Variants in OTOG observed in about 807,000 individuals in gnomAD.
OTOG encodes the protein otogelin.
OTOG carries 296 observed loss-of-function variants against 313.8 expected under a neutral mutation model. The ratio of observed to expected loss-of-function variants is 0.94; its 90% CI spans 0.86 to 1.04. OTOG has a LOEUF of 1.04. OTOG is among the 50% of genes least tolerant of loss of function. The pLI is 0.00. For synonymous variants in OTOG, 1,533 were observed against 1,554.9 expected, an observed-to-expected ratio of 0.99 and a Z score of 0.33; for missense variants, 3,948 against 3,840.1, an observed-to-expected ratio of 1.03 and a Z score of -0.74.
At chr11:17,565,313 C>G (rs144106526) in intron 15 of OTOG, among the ~76,000 whole-genome samples, 64 of 152,210 alleles carry the variant, frequency 4.2e-4, no homozygotes, top group African/African-American at 1.4e-3. Context: ...GATTCTTTTT[C>G]TCATGGTTTG....
Position 17,610,890 on chromosome 11 carries a change from C to A in OTOG, c.5590C>A (p.His1864Asn), listed in dbSNP as rs1440154973. The change falls in exon 36 of 56, where the codon CAC becomes AAC. Residue 1864 changes from histidine to asparagine, a missense_variant. Physicochemically the swap from His to Asn is moderately conservative, Grantham distance 68. Coordinates refer to ENST00000399397, the MANE Select transcript of OTOG (RefSeq NM_001292063.2). ...AATGACCCAGGCGCACCCACCCACT[C>A]ACATAGCACCCCCAGCAGCAGGCAC... ...AAMTQAHPPT[H>N]IAPPAAGTAP... The A allele has an allele frequency of 6.4e-7, 1 of 1,550,610 alleles. No individual in the cohort carries two copies. Among genetic ancestry groups the A allele is most frequent in the Admixed American group, 2.0e-5 (1 of 50,986 alleles).
chr11:17,576,786 G>A, intron 21 of OTOG, 82 bp from the exon 22 acceptor site: 3 of 1,514,384 alleles, frequency 2.0e-6, no homozygotes, highest in Non-Finnish European at 2.7e-6. Flanking sequence ...GAACTCTGCA[G>A]TGACCCGAGT....
intron 15 of OTOG, among the ~76,000 whole-genome samples, chr11:17,567,402 G>C (rs980266326): frequency 9.2e-5 from 14 of 152,224 alleles, no homozygotes; most frequent in African/African-American, 3.1e-4. Flanking sequence ...CACTCTCCTG[G>C]TTCACTTTCT....
rs1388469168 is a variant in OTOG, at chr11:17,559,623, A to G, written c.1303A>G (p.Ser435Gly). Reference protein sequence around the residue: ...SCHPRASCVDSEIACVDGCYC... With the variant: ...SCHPRASCVDGEIACVDGCYC... ...CCATCCCCGGGCATCCTGTGTGGAC[A>G]GTGAGATCGCCTGTGTGGACGGCTG... The change falls in exon 12 of 56, where the codon AGT becomes GGT. Residue 435 changes from serine to glycine, a missense_variant. By Grantham distance (56) the Ser-to-Gly change is moderately conservative. Transcript: ENST00000399397. 9 of 1,550,900 alleles carry G rather than the reference A, an allele frequency of 5.8e-6. No homozygotes were observed. The highest frequency in any genetic ancestry group is 7.8e-6 in the Non-Finnish European group (9 of 1,147,070).
Position 17,547,441 on chromosome 11 carries a change from C to A in OTOG, c.69C>A (p.Ala23=). 1 of 1,386,832 alleles carries A rather than the reference C, an allele frequency of 7.2e-7. No homozygotes were observed. The highest frequency in any genetic ancestry group is 9.3e-7 in the Non-Finnish European group (1 of 1,075,560). 85.9% of individuals were successfully genotyped at this position (1,386,832 alleles called of 1,614,324 possible). A position where few individuals can be genotyped will look rare whatever the true frequency, so the allele number is the denominator to read the frequency against. Residue 23 remains alanine, a synonymous_variant, in exon 1 of 56, where the codon GCC becomes GCA. Coordinates refer to ENST00000399397, the MANE Select transcript of OTOG (RefSeq NM_001292063.2). ...GGCTGCCCTGGGGTGAGCAGGCAGC[C>A]GAGTCCCTGCGGGTGCAGCGCCTCG... is the stretch of plus-strand genomic sequence containing the variant. ...CVWLPWGEQA[A]ESLRVQRLAA...
intron 34 of OTOG, 32 bp from the exon 35 acceptor site, chr11:17,609,098 G>A: frequency 6.6e-7 from 1 of 1,517,544 alleles, no homozygotes; most frequent in Non-Finnish European, 8.9e-7. Context: ...CTGTATTTCA[G>A]GCCTTTAAAC....
rs79058020 is a variant in OTOG, at chr11:17,588,784, T to C, written c.2867+2203T>C. 7.8e-3 allele frequency among the ~76,000 whole-genome samples: 1,194 copies of C among 152,228 alleles called. 15 individuals carry two copies. Among genetic ancestry groups the C allele is most frequent in the African/African-American group, 0.028 (1,143 of 41,522 alleles). The stretch of plus-strand genomic sequence containing the variant: ...TTCCAAAGATCTTTCTCCACCCTAG[T>C]GGAGTGAGGAGTCATCTTGTAGATC... On this transcript the variant is annotated intron_variant, in intron 24 of 55. Coordinates refer to ENST00000399397, the MANE Select transcript of OTOG (RefSeq NM_001292063.2).
At chr11:17,639,022 C>T (rs1029749649) in intron 48 of OTOG, 16 of 334,602 alleles carry the variant, frequency 4.8e-5, no homozygotes, top group Non-Finnish European at 8.7e-5. Context: ...CACTGCACTC[C>T]AGCCTGGGCG....
intron 27 of OTOG, 105 bp downstream of exon 27, chr11:17,593,861 C>A: frequency 6.9e-7 from 1 of 1,441,036 alleles, no homozygotes; most frequent in Non-Finnish European, 9.4e-7. Context: ...AAGAGCATGC[C>A]TCTGTTCTCT....
intron 24 of OTOG, among the ~76,000 whole-genome samples, chr11:17,590,269 C>T (rs1291615864): frequency 6.6e-6 from 1 of 152,144 alleles, no homozygotes; most frequent in African/African-American, 2.4e-5. Flanking sequence ...TCTGATCTTC[C>T]CCCTCAAACT....
intron 39 of OTOG, among the ~76,000 whole-genome samples, chr11:17,622,165 C>T (rs887882985): frequency 6.6e-6 from 1 of 152,252 alleles, no homozygotes; most frequent in Non-Finnish European, 1.5e-5. Flanking sequence ...TGGGCTGAGG[C>T]TCCCTCTACA....
At chr11:17,626,631 G>A (rs1342863514) in intron 39 of OTOG, among the ~76,000 whole-genome samples, 1 of 152,062 alleles carries the variant, frequency 6.6e-6, no homozygotes, top group Non-Finnish European at 1.5e-5. Context: ...GTATATTTTA[G>A]GGTTGTTTTT....
Position 17,575,497 on chromosome 11 carries a change from A to T in OTOG, c.2486+585A>T, listed in dbSNP as rs140209444. ...GAGTGAGGAAGGGGGCTCCAGGAAG[A>T]GGGGGTGGCTCAAGGCCCAGCTTGT... On this transcript the variant is annotated intron_variant, in intron 20 of 55. Coordinates refer to ENST00000399397, the MANE Select transcript of OTOG (RefSeq NM_001292063.2). Among the ~76,000 whole-genome samples, 4 of 152,220 alleles carry T rather than the reference A, an allele frequency of 2.6e-5. No homozygotes were observed. The East Asian group carries it at 7.7e-4, about 29-fold the overall frequency.
rs577064885 is a variant in OTOG at position 17,606,264 on chromosome 11, C to T, written c.4156+129C>T. 3.3e-5 allele frequency: 40 copies of T among 1,226,080 alleles called. No homozygotes were observed. The East Asian group carries it at 9.6e-4, about 29-fold the overall frequency. 76.0% of individuals were successfully genotyped at this position (1,226,080 alleles called of 1,614,324 possible). A position where few individuals can be genotyped will look rare whatever the true frequency, so the allele number is the denominator to read the frequency against. The stretch of plus-strand genomic sequence containing the variant: ...AATCCTCCTTCTCCTGGCACAGGGG[C>T]CACATGGGTGCCACCCTGAGATGAG... On this transcript the variant is annotated intron_variant, in intron 33 of 55. Coordinates refer to ENST00000399397, the MANE Select transcript of OTOG (RefSeq NM_001292063.2).
intron 38 of OTOG, among the ~76,000 whole-genome samples, chr11:17,613,265 T>TTCTTTCTTTCTTTCTTTCTC (rs1853634192): frequency 1.4e-5 from 2 of 138,806 alleles, no homozygotes; most frequent in African/African-American, 2.9e-5. Flanking sequence ...CTTTCTTTCT[T>TTCTTTCTTTCTTTCTTTCTC]TCTCTCTCTG....
chr11:17,572,742 C>T (rs1331474525), intron 18 of OTOG, among the ~76,000 whole-genome samples: 1 of 152,228 alleles, frequency 6.6e-6, no homozygotes, highest in African/African-American at 2.4e-5. Context: ...GCAGTTGCCC[C>T]TCCTGCCTCA....
intron 17 of OTOG, among the ~76,000 whole-genome samples, chr11:17,571,181 T>C (rs938213274): frequency 2.0e-5 from 3 of 152,228 alleles, no homozygotes; most frequent in Non-Finnish European, 4.4e-5. Context: ...AATGCATATA[T>C]ATTTAAAACT....
intron 15 of OTOG, among the ~76,000 whole-genome samples, chr11:17,567,057 G>A (rs1395631460): frequency 6.6e-6 from 1 of 152,184 alleles, no homozygotes; most frequent in African/African-American, 2.4e-5. Flanking sequence ...ACAACCAAAT[G>A]TTGTTTTATC....
At position 17,610,118 on chromosome 11, in the gene OTOG, G is replaced by C; in HGVS notation, c.4818G>C (p.Arg1606=). The change falls in exon 36 of 56, where the codon CGG becomes CGC. Residue 1606 remains arginine, a synonymous_variant. Coordinates refer to ENST00000399397, the MANE Select transcript of OTOG (RefSeq NM_001292063.2). ...AGSPNITVSS[R]SPPAPRFPLM... ...GCCCTAACATCACAGTCTCCTCCCG[G>C]TCGCCCCCTGCCCCTCGCTTCCCGC... 6.4e-7 allele frequency: 1 copy of C among 1,550,572 alleles called. No individual in the cohort carries two copies. The highest frequency in any genetic ancestry group is 1.2e-5 in the South Asian group (1 of 84,060).
Sources: allele counts gnomAD v4.1 joint callset (sites outside exome capture counted in the v4.1 genomes callset), GRCh38; gene constraint gnomAD v4.1.1; transcripts MANE v1.5; gene names NCBI Gene and HGNC (gene_info 2026-07-23, HGNC 2026-07-21).